SLC17A6: variants seen among roughly 807,000 people sequenced by gnomAD.
SLC17A6 encodes the protein vesicular glutamate transporter 2.
A neutral mutation model predicts 67.1 loss-of-function variants in SLC17A6; 35 were observed. The ratio of observed to expected loss-of-function variants is 0.52; its 90% confidence interval spans 0.40 to 0.69. The LOEUF (loss-of-function observed/expected upper bound fraction) is 0.69. SLC17A6 is among the 30% of genes least tolerant of loss of function. The pLI is 0.00. For synonymous variants in SLC17A6, 285 were observed against 252.3 expected (o/e 1.13, Z -1.23); for missense variants, 588 against 723.9 (o/e 0.81, Z 2.15).
At chr11:22,371,480 C>G (rs917663830) in intron 8 of SLC17A6, among the ~76,000 whole-genome samples, 1 of 151,776 alleles carries the variant, frequency 6.6e-6, no homozygotes, top group African/African-American at 2.4e-5. Flanking sequence ...ATCAAACATT[C>G]CAGGGTAGCC....
chr11:22,357,660 C>A (rs997080781), intron 3 of SLC17A6, among the ~76,000 whole-genome samples: 2 of 152,008 alleles, frequency 1.3e-5, no homozygotes, highest in African/African-American at 4.8e-5. Context: ...ATTTACAAAC[C>A]CTTCAAAAAG....
At position 22,377,476 on chromosome 11, in the gene SLC17A6, A is replaced by G; in HGVS notation, c.1485A>G (p.Ala495=). Reference sequence around the variant, plus strand: ...ACTATGGTGGAGTTATATTTTATGCAATATTTGCCTCAGGAGAGAAACAAC... The same window carrying G: ...ACTATGGTGGAGTTATATTTTATGCGATATTTGCCTCAGGAGAGAAACAAC... ...LVHYGGVIFY[A]IFASGEKQPW... The change falls in exon 12 of 12, where the codon GCA becomes GCG. Residue 495 remains alanine, a synonymous_variant. Coordinates refer to ENST00000263160, the MANE Select transcript of SLC17A6 (RefSeq NM_020346.3). 1.2e-6 allele frequency: 2 copies of G among 1,614,154 alleles called. No homozygotes were observed. The highest frequency in any genetic ancestry group is 1.7e-6 in the Non-Finnish European group (2 of 1,180,018).
intron 11 of SLC17A6, 32 bp downstream of exon 11, chr11:22,376,704 G>C: frequency 6.2e-7 from 1 of 1,609,734 alleles, no homozygotes; most frequent in Non-Finnish European, 8.5e-7. Flanking sequence ...TTTAGTCATA[G>C]AAGACAGTTT....
intron 1 of SLC17A6, among the ~76,000 whole-genome samples, chr11:22,340,663 C>T (rs184147810): frequency 3.3e-5 from 5 of 152,030 alleles, no homozygotes; most frequent in Admixed American, 2.0e-4. Flanking sequence ...ATAGTAATGA[C>T]GCAAGATTGT....
Position 22,343,383 on chromosome 11 carries a change from AC to A in SLC17A6, c.458+19del. The A allele has an allele frequency of 6.3e-7, 1 of 1,589,746 alleles. No individual in the cohort carries two copies. The highest frequency in any genetic ancestry group is 8.6e-7 in the Non-Finnish European group (1 of 1,165,072). ...GCCAACAGGTAATGCGCCAGGCGGG[AC>A]TGGGGCTCGGGGCGTGGTGTTTGTT... On this transcript the variant is annotated intron_variant, in intron 3 of 11. Coordinates refer to ENST00000263160, the MANE Select transcript of SLC17A6 (RefSeq NM_020346.3).
intron 6 of SLC17A6, among the ~76,000 whole-genome samples, chr11:22,363,211 A>G (rs1266948454): frequency 7.5e-6 from 1 of 134,010 alleles, no homozygotes; most frequent in Non-Finnish European, 1.6e-5. Flanking sequence ...TTCAAGATTG[A>G]ATGGGGGTGG....
In SLC17A6 at chr11:22,338,812, GGTGTGTGTGTGTGTGTGTGT is replaced by G. The variant is rs3047441; in HGVS notation, c.86+214_86+233del. On this transcript the variant is annotated intron_variant, in intron 1 of 11. Coordinates refer to ENST00000263160, the MANE Select transcript of SLC17A6 (RefSeq NM_020346.3). ...AATGTTGCACTAAATGAACCTGTCT[GGTGTGTGTGTGTGTGTGTGT>G]GTGTGTGTGTGTGTGTGTGTTTGAT... Among the ~76,000 whole-genome samples the G allele has an allele frequency of 2.9e-5, 4 of 136,332 alleles. No individual in the cohort carries two copies. In the East Asian group the frequency reaches 6.4e-4, roughly 22 times the overall value. The allele number at this position is 136,332 out of a possible 152,430, so 89.4% of individuals were successfully genotyped here.
At chr11:22,359,358 T>C (rs992598009) in intron 3 of SLC17A6, 55 bp from the exon 4 acceptor site, 18 of 1,027,924 alleles carry the variant, frequency 1.8e-5, no homozygotes, top group Admixed American at 5.8e-5. Flanking sequence ...AATTTAGATA[T>C]GTATATATAA....
intron 1 of SLC17A6, among the ~76,000 whole-genome samples, chr11:22,339,181 TTATA>T (rs60197884): frequency 0.26 from 21,912 of 82,760 alleles, 4,149 homozygotes; most frequent in South Asian, 0.29. Context: ...TATATATGTT[TTATA>T]TATATATATA....
chr11:22,347,668 A>T (rs1251373313), intron 3 of SLC17A6, among the ~76,000 whole-genome samples: 2 of 152,172 alleles, frequency 1.3e-5, no homozygotes, highest in Admixed American at 6.5e-5. Flanking sequence ...CATGTACATT[A>T]TTCAAATTGA....
intron 7 of SLC17A6, 68 bp downstream of exon 7, chr11:22,365,757 A>G (rs1856105092): frequency 6.7e-7 from 1 of 1,496,660 alleles, no homozygotes; most frequent in Non-Finnish European, 8.9e-7. Context: ...CAACCAAACT[A>G]TCTTACAAGT....
Position 22,360,980 on chromosome 11 carries a change from T to C in SLC17A6, c.657T>C (p.Phe219=). Residue 219 remains phenylalanine (F), a synonymous_variant, in exon 5 of 12, where the codon TTT becomes TTC. Transcript: ENST00000263160. ...LERSRLATTS[F]CGSYAGAVIA... ...GGAGTAGACTGGCAACCACCTCCTT[T>C]TGTGGTGAGTACTGTGTGCAGATGC... The C allele has an allele frequency of 1.2e-6, 2 of 1,613,542 alleles. No homozygotes were observed. The highest frequency in any genetic ancestry group is 1.7e-6 in the Non-Finnish European group (2 of 1,179,578).
chr11:22,354,362 G>A (rs543253907), intron 3 of SLC17A6, among the ~76,000 whole-genome samples: 2 of 152,294 alleles, frequency 1.3e-5, no homozygotes, highest in East Asian at 3.9e-4. Context: ...GGGATTACAG[G>A]CGTGAGCCAC....
rs187256295 is a variant in SLC17A6, at chr11:22,344,700, C to T, written c.458+1335C>T. 1.9e-3 allele frequency among the ~76,000 whole-genome samples: 293 copies of T among 152,262 alleles called. 1 individual carries two copies. Among genetic ancestry groups the T allele is most frequent in the African/African-American group, 6.5e-3 (271 of 41,566 alleles). ...GTATATGTACCACATTTTATTTATC[C>T]ATTCATCTGCTGATGGACACTTGAT... On this transcript the variant is annotated intron_variant, in intron 3 of 11. Coordinates refer to ENST00000263160, the MANE Select transcript of SLC17A6 (RefSeq NM_020346.3).
intron 3 of SLC17A6, among the ~76,000 whole-genome samples, chr11:22,353,761 A>G (rs1053107301): frequency 1.1e-4 from 16 of 152,152 alleles, no homozygotes; most frequent in Admixed American, 3.3e-4. Flanking sequence ...CCTCTATAAC[A>G]AAATGTAAGC....
At chr11:22,348,378 A>T (rs1855901584) in intron 3 of SLC17A6, among the ~76,000 whole-genome samples, 1 of 152,208 alleles carries the variant, frequency 6.6e-6, no homozygotes, top group Admixed American at 6.5e-5. Context: ...TTTTGGCAGG[A>T]GAATCATACT....
At chr11:22,360,382 A>C (rs953231030) in intron 4 of SLC17A6, among the ~76,000 whole-genome samples, 12 of 151,970 alleles carry the variant, frequency 7.9e-5, no homozygotes, top group African/African-American at 2.7e-4. Flanking sequence ...GCTGGGCTTA[A>C]TACGTAGGTG....
chr11:22,357,949 A>G (rs1015273845), intron 3 of SLC17A6, among the ~76,000 whole-genome samples: 1 of 152,212 alleles, frequency 6.6e-6, no homozygotes, highest in African/African-American at 2.4e-5. Context: ...TACAGGCTAC[A>G]TATATTTTTA....
At chr11:22,347,506 GA>G (rs11353384) in intron 3 of SLC17A6, among the ~76,000 whole-genome samples, 119,099 of 151,626 alleles carry the variant, frequency 0.79, 47,171 homozygotes, top group African/African-American at 0.88. Context: ...TAACTTTCGG[GA>G]AAAAAAAAGG....
Sources: allele counts gnomAD v4.1 joint callset (sites outside exome capture counted in the v4.1 genomes callset), GRCh38; gene constraint gnomAD v4.1.1; transcripts MANE v1.5; gene names NCBI Gene and HGNC (gene_info 2026-07-23, HGNC 2026-07-21).